IL18: variants seen among roughly 807,000 people sequenced by gnomAD.
The protein encoded by IL18 is interleukin-18.
In IL18, 8 loss-of-function variants were observed where a neutral mutation model predicts 14.2. The observed-to-expected ratio is 0.56, with a 90% confidence interval of 0.33 to 1.01. IL18 has a LOEUF of 1.01. Among genes scored for constraint, IL18 ranks in the 50% least tolerant of loss-of-function variants. The probability of loss-of-function intolerance (pLI) is 0.03; values close to 1 mark genes in which losing one functional copy is unlikely to be tolerated. For synonymous variants in IL18, 67 were observed against 71.0 expected, an observed-to-expected ratio of 0.94 and a Z score of 0.28; for missense variants, 166 against 231.1, an observed-to-expected ratio of 0.72 and a Z score of 1.83.
At chr11:112,152,008 A>G (rs889094084) in intron 3 of IL18, among the ~76,000 whole-genome samples, 1 of 152,162 alleles carries the variant, frequency 6.6e-6, no homozygotes, top group Non-Finnish European at 1.5e-5. Flanking sequence ...TGCCATTTCT[A>G]TGCATAAGCC....
intron 1 of IL18, among the ~76,000 whole-genome samples, chr11:112,156,071 G>A (rs1866525644): frequency 6.6e-6 from 1 of 152,286 alleles, no homozygotes; most frequent in East Asian, 1.9e-4. Flanking sequence ...ATTATTTAAT[G>A]TGTTGGTAAA....
At chr11:112,156,077 G>A (rs1866525793) in intron 1 of IL18, among the ~76,000 whole-genome samples, 1 of 152,076 alleles carries the variant, frequency 6.6e-6, no homozygotes, top group African/African-American at 2.4e-5. Context: ...TAATGTGTTG[G>A]TAAAAAGGCA....
intron 1 of IL18, among the ~76,000 whole-genome samples, chr11:112,159,736 A>G (rs1018593615): frequency 1.8e-4 from 28 of 152,334 alleles, no homozygotes; most frequent in African/African-American, 6.7e-4. Flanking sequence ...TTTACATATA[A>G]GCTTAAACTT....
At chr11:112,161,678 T>C (rs1866635118) in intron 1 of IL18, among the ~76,000 whole-genome samples, 1 of 152,172 alleles carries the variant, frequency 6.6e-6, no homozygotes, top group South Asian at 2.1e-4. Context: ...ATGTGCCTTG[T>C]AGTCCCAGCT....
chr11:112,151,971 T>C (rs1229844564), intron 3 of IL18, among the ~76,000 whole-genome samples: 1 of 152,214 alleles, frequency 6.6e-6, no homozygotes, highest in African/African-American at 2.4e-5. Flanking sequence ...TTCCTCTGAT[T>C]TGTCTTTTTA....
At chr11:112,150,347 G>GT (rs1275182156) in intron 3 of IL18, 141 bp from the exon 4 acceptor site, 2 of 606,966 alleles carry the variant, frequency 3.3e-6, no homozygotes, top group Non-Finnish European at 5.7e-6. Context: ...GTTGCCTATT[G>GT]TTTTTTAACC....
chr11:112,148,557 T>A, intron 5 of IL18, 46 bp downstream of exon 5: 3 of 966,208 alleles, frequency 3.1e-6, no homozygotes, highest in Non-Finnish European at 4.3e-6. Flanking sequence ...TCTAATTATA[T>A]TAATTATATT....
intron 1 of IL18, among the ~76,000 whole-genome samples, chr11:112,160,430 C>A (rs1275243463): frequency 6.6e-6 from 1 of 151,630 alleles, no homozygotes; most frequent in Admixed American, 6.6e-5. Context: ...ATTCTCTCCT[C>A]AGAGTCCTAC....
chr11:112,161,748 C>T (rs907319233), intron 1 of IL18, among the ~76,000 whole-genome samples: 1 of 152,132 alleles, frequency 6.6e-6, no homozygotes, highest in Non-Finnish European at 1.5e-5. Context: ...TGCAGTGAGC[C>T]GAGTTCGTGC....
rs191084040 is a variant in IL18, at chr11:112,154,295, C to A, written c.79+680G>T. 3.9e-5 allele frequency among the ~76,000 whole-genome samples: 6 copies of A among 152,128 alleles called. No individual in the cohort carries two copies. In the East Asian group the frequency reaches 9.7e-4, roughly 25 times the overall value. On this transcript the variant is annotated intron_variant, in intron 2 of 5. Coordinates refer to ENST00000280357, the MANE Select transcript of IL18 (RefSeq NM_001562.4). ...ATCCCAGCACTTTGGGAGGCCGAGG[C>A]AGGAGGATCATCTGAGATCAGGAGT...
At chr11:112,148,836 C>A (rs201399018) in intron 4 of IL18, 100 bp from the exon 5 acceptor site, 1 of 659,172 alleles carries the variant, frequency 1.5e-6, no homozygotes, top group Non-Finnish European at 2.3e-6. Flanking sequence ...TACACCTGTT[C>A]CCACTTTGAG....
intron 1 of IL18, among the ~76,000 whole-genome samples, chr11:112,158,633 T>A (rs925675141): frequency 6.8e-6 from 1 of 146,384 alleles, no homozygotes; most frequent in East Asian, 2.0e-4. Context: ...AACCTGTATG[T>A]CTGAAGAACT....
intron 2 of IL18, among the ~76,000 whole-genome samples, chr11:112,154,021 G>A (rs1047817210): frequency 6.6e-6 from 1 of 151,928 alleles, no homozygotes; most frequent in African/African-American, 2.4e-5. Context: ...GTGTAGGGGT[G>A]GGATCATAGC....
intron 1 of IL18, among the ~76,000 whole-genome samples, chr11:112,159,453 TA>T (rs1408694560): frequency 6.6e-6 from 1 of 151,740 alleles, no homozygotes; most frequent in Non-Finnish European, 1.5e-5. Flanking sequence ...GGCTATAAAT[TA>T]AGGTAATGAA....
intron 2 of IL18, among the ~76,000 whole-genome samples, chr11:112,154,327 C>G (rs772159229): frequency 9.2e-5 from 14 of 151,936 alleles, no homozygotes; most frequent in Non-Finnish European, 1.5e-4. Flanking sequence ...GAGTTCAAGA[C>G]CAGCCTGGAC....
intron 5 of IL18, among the ~76,000 whole-genome samples, chr11:112,147,245 A>T (rs1866359762): frequency 6.6e-6 from 1 of 152,084 alleles, no homozygotes; most frequent in Admixed American, 6.5e-5. Flanking sequence ...CTTTTTCTTT[A>T]AAAGGGCCAT....
At chr11:112,153,429 A>T (rs1866481447) in intron 3 of IL18, 163 bp downstream of exon 3, 1 of 451,304 alleles carries the variant, frequency 2.2e-6, no homozygotes. Flanking sequence ...ATCTCTTATG[A>T]TCATCTTCAT....
chr11:112,158,157 T>C (rs1866566485), intron 1 of IL18, among the ~76,000 whole-genome samples: 1 of 152,210 alleles, frequency 6.6e-6, no homozygotes, highest in African/African-American at 2.4e-5. Flanking sequence ...TAATTTTGTA[T>C]TCTTTTAGTA....
intron 1 of IL18, among the ~76,000 whole-genome samples, chr11:112,163,269 C>A (rs1866664540): frequency 6.6e-6 from 1 of 152,126 alleles, no homozygotes; most frequent in Non-Finnish European, 1.5e-5. Context: ...AGATGACTAA[C>A]CATGGGCAAA....
Sources: gnomAD v4.1 joint callset for allele counts (sites outside exome capture counted in the v4.1 genomes callset) on GRCh38, gnomAD v4.1.1 for gene constraint, MANE v1.5 for transcripts, NCBI Gene and HGNC (gene_info 2026-07-23, HGNC 2026-07-21) for gene names.